Variants in MRTFA observed in about 807,000 individuals in gnomAD.
MRTFA encodes the protein myocardin-related transcription factor A.
In MRTFA, 20 loss-of-function variants were observed where a neutral mutation model predicts 83.5. The ratio of observed to expected loss-of-function variants is 0.24; its 90% CI spans 0.17 to 0.35. MRTFA has a LOEUF of 0.35. MRTFA is among the 10% of genes least tolerant of loss of function. The pLI is 1.00. For missense variants in MRTFA, 1,200 were observed against 1,224.7 expected (o/e 0.98, Z 0.30); for synonymous variants, 659 against 541.2 (o/e 1.22, Z -3.02).
chr22:40,569,512 T>C (rs1201045642), intron 2 of MRTFA: 1 of 153,734 alleles, frequency 6.5e-6, no homozygotes, highest in African/African-American at 2.4e-5. Flanking sequence ...TTACTTAAGG[T>C]CAGGAGTTCG....
At chr22:40,535,776 G>A (rs2055161159) in intron 3 of MRTFA, among the ~76,000 whole-genome samples, 1 of 152,154 alleles carries the variant, frequency 6.6e-6, no homozygotes, top group African/African-American at 2.4e-5. Flanking sequence ...ATGGTAGGAA[G>A]GGCAGAGGGC....
intron 2 of MRTFA, among the ~76,000 whole-genome samples, chr22:40,559,237 A>C (rs1409672266): frequency 1.3e-5 from 2 of 152,072 alleles, no homozygotes; most frequent in African/African-American, 2.4e-5. Flanking sequence ...AAAACACACA[A>C]AAGTTAGGCA....
intron 2 of MRTFA, among the ~76,000 whole-genome samples, chr22:40,575,037 A>G (rs2055848815): frequency 6.6e-6 from 1 of 152,222 alleles, no homozygotes; most frequent in Admixed American, 6.5e-5. Context: ...ACGAGGCAGT[A>G]TTGTGTGTTA....
intron 1 of MRTFA, among the ~76,000 whole-genome samples, chr22:40,620,802 T>C (rs2056514268): frequency 2.6e-5 from 4 of 151,996 alleles, no homozygotes; most frequent in South Asian, 2.1e-4. Context: ...AAAATATACA[T>C]AGGAGACCCA....
intron 2 of MRTFA, among the ~76,000 whole-genome samples, chr22:40,556,280 G>T (rs1169110746): frequency 1.3e-5 from 2 of 152,024 alleles, no homozygotes; most frequent in East Asian, 3.9e-4. Context: ...ACAAAATATT[G>T]AACAGCCATG....
chr22:40,617,156 A>AGGAAGGAAGGAG (rs2056458871), intron 1 of MRTFA, among the ~76,000 whole-genome samples: 1 of 101,818 alleles, frequency 9.8e-6, no homozygotes, highest in Admixed American at 1.1e-4. Context: ...GAAGGAAGGA[A>AGGAAGGAAGGAG]GGAAGGAGGG....
At chr22:40,470,884 G>T (rs1394548075) in intron 3 of MRTFA, among the ~76,000 whole-genome samples, 1 of 151,950 alleles carries the variant, frequency 6.6e-6, no homozygotes, top group Non-Finnish European at 1.5e-5. Context: ...GGGAGGCGGA[G>T]GTTACAGTGA....
In MRTFA at chr22:40,419,117, C is replaced by T. The variant is rs748786889; in HGVS notation, c.1621G>A (p.Val541Met). The T allele has an allele frequency of 1.3e-6, 2 of 1,591,992 alleles. No homozygotes were observed. The highest frequency in any genetic ancestry group is 2.3e-5 in the South Asian group (2 of 88,660). The stretch of plus-strand genomic sequence containing the variant: ...GAGCCCGTGCTGCCAAACTTCACCA[C>T]CCCACTGCTGGCCACCGTGGCCACC... Residue 541 changes from valine (V) to methionine (M), a missense_variant, in exon 12 of 15, where the codon GTG (valine) becomes ATG (methionine). Val to Met is a conservative substitution (Grantham distance 21). This residue lies in a region of MRTFA where 1,107 missense variants were observed against 1,041.8 expected (regional missense o/e 1.06). Coordinates refer to ENST00000355630, the MANE Select transcript of MRTFA (RefSeq NM_020831.6).
chr22:40,618,351 A>G (rs1426907609), intron 1 of MRTFA, among the ~76,000 whole-genome samples: 1 of 151,212 alleles, frequency 6.6e-6, no homozygotes, highest in Non-Finnish European at 1.5e-5. Flanking sequence ...CGGCCTCCCA[A>G]AGTGCTGGGA....
At chr22:40,591,383 T>A (rs1405164899) in intron 2 of MRTFA, among the ~76,000 whole-genome samples, 4 of 151,940 alleles carry the variant, frequency 2.6e-5, no homozygotes, top group African/African-American at 9.7e-5. Context: ...TGAGAAAATG[T>A]AATAAAAATA....
At position 40,624,805 on chromosome 22, in the gene MRTFA, T is replaced by C. The variant is rs117035378; in HGVS notation, c.-84+11673A>G. ...AAAATAAAATGTCATGATTAGCTTG[T>C]CCAAATTGTATAAGTCATGCCTGGT... On this transcript the variant is annotated intron_variant, in intron 1 of 14. Transcript: ENST00000355630. Among the ~76,000 whole-genome samples the C allele has an allele frequency of 9.4e-3, 1,427 of 152,332 alleles. 14 individuals carry two copies. Among genetic ancestry groups the C allele is most frequent in the South Asian group, 0.023 (109 of 4,826 alleles).
At chr22:40,502,546 G>T (rs1318099300) in intron 3 of MRTFA, among the ~76,000 whole-genome samples, 1 of 142,682 alleles carries the variant, frequency 7.0e-6, no homozygotes, top group Non-Finnish European at 1.5e-5. Flanking sequence ...GCGGCCGGGC[G>T]GAGACGCTCC....
At chr22:40,531,778 C>T (rs1402443666) in intron 3 of MRTFA, among the ~76,000 whole-genome samples, 1 of 152,168 alleles carries the variant, frequency 6.6e-6, no homozygotes, top group East Asian at 1.9e-4. Flanking sequence ...CAGTATTTTA[C>T]TATACAGCTG....
At chr22:40,630,145 C>A (rs78229036) in intron 1 of MRTFA, among the ~76,000 whole-genome samples, 3 of 151,560 alleles carry the variant, frequency 2.0e-5, no homozygotes, top group African/African-American at 7.3e-5. Flanking sequence ...TGAAACCCTG[C>A]CTCTACTAAA....
At chr22:40,418,050 C>T (rs1426179879) in intron 12 of MRTFA, among the ~76,000 whole-genome samples, 1 of 152,124 alleles carries the variant, frequency 6.6e-6, no homozygotes, top group Non-Finnish European at 1.5e-5. Context: ...CTGACCTTCA[C>T]TGGCCACTCC....
At position 40,614,233 on chromosome 22, in the gene MRTFA, A is replaced by AT. The variant is rs201591331; in HGVS notation, c.-83-19499_-83-19498insA. 1.2e-3 allele frequency among the ~76,000 whole-genome samples: 180 copies of AT among 150,768 alleles called. 3 individuals carry two copies. The East Asian group carries it at 0.03, about 25-fold the overall frequency. Reference sequence around the variant, plus strand: ...AATAAATAAATAAATAAATAAATAAAAAATAAAAAAAAATAAAAAAATTTT... The same window carrying AT: ...AATAAATAAATAAATAAATAAATAAATAAATAAAAAAAAATAAAAAAATTTT... On this transcript the variant is annotated intron_variant, in intron 1 of 14. Transcript: ENST00000355630.
intron 11 of MRTFA, 48 bp from the exon 12 acceptor site, chr22:40,419,432 G>T: frequency 3.2e-6 from 5 of 1,556,022 alleles, no homozygotes; most frequent in Non-Finnish European, 4.4e-6. Context: ...CTGGACACAG[G>T]GCACTGGGTC....
chr22:40,455,716 A>G (rs1452713957), intron 4 of MRTFA, among the ~76,000 whole-genome samples: 1 of 150,992 alleles, frequency 6.6e-6, no homozygotes, highest in Non-Finnish European at 1.5e-5. Flanking sequence ...GCAGGATGAC[A>G]GGGTGTCGGG....
chr22:40,481,256 G>C (rs957883538), intron 3 of MRTFA, among the ~76,000 whole-genome samples: 1 of 152,156 alleles, frequency 6.6e-6, no homozygotes, highest in South Asian at 2.1e-4. Context: ...CAAAAGCAGA[G>C]AGCATTTGCT....
Sources: allele counts gnomAD v4.1 joint callset (sites outside exome capture counted in the v4.1 genomes callset), GRCh38; gene constraint gnomAD v4.1.1; regional missense constraint gnomAD v4.1.1; transcripts MANE v1.5; gene names NCBI Gene and HGNC (gene_info 2026-07-23, HGNC 2026-07-21).